The following ANKRD36C variants were observed in gnomAD, a reference collection of about 807,000 sequenced individuals.
ANKRD36C encodes the protein ankyrin repeat domain-containing protein 36C.
In ANKRD36C, 61 loss-of-function variants were observed where a neutral mutation model predicts 276.4. The ratio of observed to expected loss-of-function variants is 0.22; its 90% CI spans 0.18 to 0.27. The LOEUF is 0.27. Ranked by LOEUF, ANKRD36C falls within the 10% of genes least tolerant of loss-of-function variation. The pLI, the probability that ANKRD36C is intolerant of heterozygous loss-of-function variation, is 1.00. For synonymous variants in ANKRD36C, 483 were observed against 680.1 expected, an observed-to-expected ratio of 0.71 and a Z score of 4.51; for missense variants, 1,447 against 2,032.3, an observed-to-expected ratio of 0.71 and a Z score of 5.54.
chr2:95,868,394 T>A (rs1675726870), intron 59 of ANKRD36C, among the ~76,000 whole-genome samples: 1 of 152,024 alleles, frequency 6.6e-6, no homozygotes, highest in African/African-American at 2.4e-5. Context: ...GATGTTTAAT[T>A]TCCAATTAGC....
intron 20 of ANKRD36C, among the ~76,000 whole-genome samples, chr2:95,939,256 G>A (rs1273503699): frequency 1.5e-3 from 217 of 146,060 alleles, no homozygotes; most frequent in African/African-American, 5.7e-3. Context: ...GGTGAGATTA[G>A]GTTTCACATG....
rs775812314 is a variant in ANKRD36C at position 95,918,059 on chromosome 2, A to G, written c.2246-17T>C. On this transcript the variant is annotated splice_polypyrimidine_tract_variant and intron_variant, in intron 34 of 66. Coordinates refer to ENST00000456556, the Ensembl canonical transcript of ANKRD36C. ...GAGAAGACACTGAAAAGCAAAAGGG[A>G]TACATAATCACTCATGTGTAAATAT... is the stretch of plus-strand genomic sequence containing the variant. 3.8e-6 allele frequency: 6 copies of G among 1,598,526 alleles called. No individual in the cohort carries two copies. Among genetic ancestry groups the G allele is most frequent in the Non-Finnish European group, 2.6e-6 (3 of 1,174,562 alleles).
rs528866631 is a variant in ANKRD36C, at chr2:95,920,156, A to G, written c.2245+1451T>C. Among the ~76,000 whole-genome samples, 5 of 132,262 alleles carry G rather than the reference A, an allele frequency of 3.8e-5. 2 individuals are homozygous for G. The East Asian group carries it at 1.1e-3, about 29-fold the overall frequency. The allele number at this position is 132,262 out of a possible 152,430, so 86.8% of individuals were successfully genotyped here. A position where few individuals can be genotyped will look rare whatever the true frequency, so the allele number is the denominator to read the frequency against. ...AACATGGTATGATTCATCATACGTC[A>G]AAAACTAAAATAAAACCGTGTCAAT... On this transcript the variant is annotated intron_variant, in intron 34 of 66. Transcript: ENST00000456556.
intron 6 of ANKRD36C, among the ~76,000 whole-genome samples, chr2:95,969,919 A>G (rs1678665945): frequency 6.6e-6 from 1 of 151,628 alleles, no homozygotes; most frequent in African/African-American, 2.4e-5. Context: ...TTATAGATAT[A>G]TATATATTTT....
intron 48 of ANKRD36C, among the ~76,000 whole-genome samples, chr2:95,888,816 A>C (rs1241978516): frequency 6.6e-6 from 1 of 151,652 alleles, no homozygotes; most frequent in Non-Finnish European, 1.5e-5. Context: ...AAATATCATC[A>C]ATTACCAATG....
exon 1 of ANKRD36C, chr2:95,991,652 A>C (rs1679145794): frequency 6.2e-7 from 1 of 1,613,928 alleles, no homozygotes; most frequent in African/African-American, 1.3e-5. Flanking sequence ...ATAAGAAGCC[A>C]TCCGAGCACA....
intron 44 of ANKRD36C, among the ~76,000 whole-genome samples, chr2:95,894,694 T>C (rs1038514912): frequency 6.6e-6 from 1 of 151,444 alleles, no homozygotes; most frequent in Non-Finnish European, 1.5e-5. Context: ...ATCTCATTTC[T>C]ATAACTAAAA....
chr2:95,989,469 C>G (rs1365364414), intron 1 of ANKRD36C, among the ~76,000 whole-genome samples: 1 of 151,900 alleles, frequency 6.6e-6, no homozygotes, highest in Non-Finnish European at 1.5e-5. Context: ...ATCTTCACAC[C>G]TCAACATACA....
intron 36 of ANKRD36C, among the ~76,000 whole-genome samples, chr2:95,917,550 G>A (rs1297202668): frequency 6.6e-6 from 1 of 151,454 alleles, no homozygotes; most frequent in Non-Finnish European, 1.5e-5. Context: ...GTGAAACCAT[G>A]CTGTAGAATT....
At chr2:95,970,780 G>T (rs952771807) in intron 6 of ANKRD36C, among the ~76,000 whole-genome samples, 11 of 152,122 alleles carry the variant, frequency 7.2e-5, no homozygotes, top group African/African-American at 2.7e-4. Flanking sequence ...CAACTGCAAG[G>T]TAAATAGGAA....
intron 46 of ANKRD36C, among the ~76,000 whole-genome samples, chr2:95,891,157 C>A (rs1372148536): frequency 1.3e-5 from 2 of 151,270 alleles, no homozygotes; most frequent in African/African-American, 4.8e-5. Flanking sequence ...CAGCAGAAAC[C>A]CCAAAATTAT....
At chr2:95,879,939 G>C (rs545631964) in intron 58 of ANKRD36C, among the ~76,000 whole-genome samples, 3 of 142,924 alleles carry the variant, frequency 2.1e-5, no homozygotes, top group African/African-American at 5.3e-5. Context: ...CCAGCACTTT[G>C]GGAGGGCGAG....
At chr2:95,958,502 T>A in intron 12 of ANKRD36C, 89 bp downstream of exon 12, 1 of 1,489,750 alleles carries the variant, frequency 6.7e-7, no homozygotes, top group Non-Finnish European at 9.0e-7. Context: ...ATGCGCAGCT[T>A]CAATGAGCCC....
intron 24 of ANKRD36C, among the ~76,000 whole-genome samples, chr2:95,930,912 G>T (rs902121938): frequency 3.3e-5 from 5 of 151,368 alleles, no homozygotes; most frequent in African/African-American, 7.3e-5. Flanking sequence ...AGACCCTGTG[G>T]GTTACCCTCA....
chr2:95,952,087 T>C (rs1408945172), intron 14 of ANKRD36C, among the ~76,000 whole-genome samples: 358 of 145,428 alleles, frequency 2.5e-3, no homozygotes, highest in African/African-American at 0.01. Flanking sequence ...AATGAAAGAA[T>C]AGACACTAAA....
At position 95,902,222 on chromosome 2, in the gene ANKRD36C, A is replaced by T. The variant is rs930148515; in HGVS notation, c.2654-2886T>A. Among the ~76,000 whole-genome samples, 26 of 149,476 alleles carry T rather than the reference A, an allele frequency of 1.7e-4. 1 individual carries two copies. The highest frequency in any genetic ancestry group is 6.1e-4 in the African/African-American group (25 of 40,714). On this transcript the variant is annotated intron_variant, in intron 42 of 66. Coordinates refer to ENST00000456556, the Ensembl canonical transcript of ANKRD36C. ...CATGTATCTCTGATGCCTCCTAGTA[A>T]CCAAGAGGAGTAATGAGTCAGTGTG...
rs572529830 is a variant in ANKRD36C, at chr2:95,897,210, G to A, written c.2755+1935C>T. The A allele has an allele frequency of 4.5e-4, 575 of 1,269,164 alleles. 15 individuals carry two copies. The African/African-American group carries it at 7.2e-3, about 16-fold the overall frequency. 78.6% of individuals were successfully genotyped at this position (1,269,164 alleles called of 1,614,324 possible). A position where few individuals can be genotyped will look rare whatever the true frequency, so the allele number is the denominator to read the frequency against. ...ACGAGCCCCCCGCTGATTTATTCAC[G>A]GAAGAGAATTTCTTATCTATCTGGA... is the stretch of plus-strand genomic sequence containing the variant. On this transcript the variant is annotated intron_variant, in intron 44 of 66. Coordinates refer to ENST00000456556, the Ensembl canonical transcript of ANKRD36C.
At chr2:95,853,070 TA>T (rs1675329214) in intron 64 of ANKRD36C, 1 of 152,212 alleles carries the variant, frequency 6.6e-6, no homozygotes, top group Non-Finnish European at 1.5e-5. Context: ...TTTCTACAAA[TA>T]AGAGAAAATA....
intron 59 of ANKRD36C, among the ~76,000 whole-genome samples, chr2:95,871,525 G>A (rs1193599768): frequency 1.3e-4 from 20 of 152,018 alleles, no homozygotes; most frequent in Admixed American, 4.6e-4. Context: ...AGCACTAAAC[G>A]TGGAAAGGAA....
Sources: allele counts gnomAD v4.1 joint callset (sites outside exome capture counted in the v4.1 genomes callset), GRCh38; gene constraint gnomAD v4.1.1; transcripts MANE v1.5; gene names NCBI Gene and HGNC (gene_info 2026-07-23, HGNC 2026-07-21).